Variants in CACNG3 observed in about 807,000 individuals in gnomAD.
CACNG3 encodes voltage-dependent calcium channel gamma-3 subunit.
CACNG3 carries 3 observed loss-of-function variants against 28.5 expected under a neutral mutation model. The observed-to-expected ratio is 0.11, with a 90% CI of 0.05 to 0.27. CACNG3 has a LOEUF of 0.27. CACNG3 is among the 10% of genes least tolerant of loss of function. The pLI, the probability that CACNG3 is intolerant of heterozygous loss-of-function variation, is 1.00. For missense variants in CACNG3, 236 were observed against 414.4 expected, an observed-to-expected ratio of 0.57 and a Z score of 3.74; for synonymous variants, 174 against 162.2, an observed-to-expected ratio of 1.07 and a Z score of -0.55.
At chr16:24,345,315 T>A (rs760355087) in intron 1 of CACNG3, among the ~76,000 whole-genome samples, 6 of 152,074 alleles carry the variant, frequency 3.9e-5, no homozygotes, top group Admixed American at 2.6e-4. Flanking sequence ...TCTGGAAAAT[T>A]TTTTGTCCTT....
intron 1 of CACNG3, among the ~76,000 whole-genome samples, chr16:24,321,626 G>A (rs1899460866): frequency 6.6e-6 from 1 of 152,124 alleles, no homozygotes; most frequent in Admixed American, 6.5e-5. Flanking sequence ...AAGCTGTCAA[G>A]CGCTTCCTTT....
intron 1 of CACNG3, among the ~76,000 whole-genome samples, chr16:24,282,439 G>A (rs1898842482): frequency 6.6e-6 from 1 of 151,518 alleles, no homozygotes; most frequent in Admixed American, 6.6e-5. Context: ...CTTACACTCG[G>A]ATAATTTGTG....
At chr16:24,350,091 A>G (rs561351583) in intron 2 of CACNG3, among the ~76,000 whole-genome samples, 2 of 152,318 alleles carry the variant, frequency 1.3e-5, no homozygotes, top group South Asian at 2.1e-4. Flanking sequence ...TGAAGCCACC[A>G]TATGTCCACT....
At chr16:24,353,566 G>A (rs890558352) in intron 2 of CACNG3, among the ~76,000 whole-genome samples, 1 of 152,104 alleles carries the variant, frequency 6.6e-6, no homozygotes, top group African/African-American at 2.4e-5. Flanking sequence ...GGACCTCCAG[G>A]ACTCTGCTTC....
At chr16:24,324,454 C>A (rs1438589121) in intron 1 of CACNG3, among the ~76,000 whole-genome samples, 3 of 152,170 alleles carry the variant, frequency 2.0e-5, no homozygotes, top group African/African-American at 7.2e-5. Flanking sequence ...GTTTCCCCCA[C>A]TCCCCAGACC....
At chr16:24,298,787 C>T (rs1899066906) in intron 1 of CACNG3, among the ~76,000 whole-genome samples, 1 of 152,130 alleles carries the variant, frequency 6.6e-6, no homozygotes, top group Non-Finnish European at 1.5e-5. Context: ...TCAAACTTTC[C>T]TTGTTTTTGA....
At chr16:24,325,220 C>T (rs1899525153) in intron 1 of CACNG3, among the ~76,000 whole-genome samples, 2 of 152,166 alleles carry the variant, frequency 1.3e-5, no homozygotes, top group Admixed American at 6.5e-5. Context: ...AATTCCTTCC[C>T]TTGAGGGGTG....
In CACNG3 at chr16:24,312,602, G is replaced by C. The variant is rs573074188; in HGVS notation, c.212-34132G>C. ...AGGTTAAAGCAGGAGGATAGCTTGA[G>C]GTCAAGAATTTGAGACCAGCCTGGT... On this transcript the variant is annotated intron_variant, in intron 1 of 3. Transcript: ENST00000005284. Among the ~76,000 whole-genome samples, 334 of 152,192 alleles carry C rather than the reference G, an allele frequency of 2.2e-3. 1 individual carries two copies. Among genetic ancestry groups the C allele is most frequent in the African/African-American group, 7.0e-3 (290 of 41,534 alleles).
Position 24,312,920 on chromosome 16 carries a change from G to A in CACNG3, c.212-33814G>A, listed in dbSNP as rs12921418. Reference sequence around the variant, plus strand: ...GGAAAGAAAGAAGGAAGGAAGGAAGGAAGAAAGAAAGAAAGAAAGAAAGAA... The same window carrying A: ...GGAAAGAAAGAAGGAAGGAAGGAAGAAAGAAAGAAAGAAAGAAAGAAAGAA... On this transcript the variant is annotated intron_variant, in intron 1 of 3. Transcript: ENST00000005284. Among the ~76,000 whole-genome samples, 230 of 122,118 alleles carry A rather than the reference G, an allele frequency of 1.9e-3. 1 individual carries two copies. Among genetic ancestry groups the A allele is most frequent in the East Asian group, 7.6e-3 (32 of 4,216 alleles). 80.1% of individuals were successfully genotyped at this position (122,118 alleles called of 152,430 possible).
At chr16:24,275,538 G>C (rs1567208384) in intron 1 of CACNG3, among the ~76,000 whole-genome samples, 1 of 152,206 alleles carries the variant, frequency 6.6e-6, no homozygotes, top group Non-Finnish European at 1.5e-5. Context: ...GTTGCGAGCT[G>C]AACTAGCTGC....
At chr16:24,306,535 C>G (rs1859199) in intron 1 of CACNG3, among the ~76,000 whole-genome samples, 42,845 of 151,986 alleles carry the variant, frequency 0.28, 6,912 homozygotes, top group African/African-American at 0.42. Context: ...TCGCCCACTT[C>G]TTTGCCTCTA....
chr16:24,295,932 A>G (rs1899026265), intron 1 of CACNG3, among the ~76,000 whole-genome samples: 1 of 152,248 alleles, frequency 6.6e-6, no homozygotes. Flanking sequence ...TGAGGCTTAG[A>G]GAGGTTAAGA....
chr16:24,289,890 G>A (rs2141355051), intron 1 of CACNG3, among the ~76,000 whole-genome samples: 1 of 152,356 alleles, frequency 6.6e-6, no homozygotes, highest in African/African-American at 2.4e-5. Context: ...CTAAGAATAT[G>A]AAAAACTTTC....
intron 1 of CACNG3, among the ~76,000 whole-genome samples, chr16:24,330,108 C>T (rs187302696): frequency 8.5e-5 from 13 of 152,294 alleles, no homozygotes; most frequent in Admixed American, 1.3e-4. Flanking sequence ...TTAAATGCCA[C>T]GCAATGAGCA....
chr16:24,317,612 AAGAAAGAAAGAAAG>A, intron 1 of CACNG3, among the ~76,000 whole-genome samples: 1 of 71,288 alleles, frequency 1.4e-5, no homozygotes. Context: ...GAAAGAAAGA[AAGAAAGAAAGAAAG>A]ACAGACAGAA....
intron 1 of CACNG3, among the ~76,000 whole-genome samples, chr16:24,260,531 A>G (rs1333973202): frequency 6.6e-6 from 1 of 152,224 alleles, no homozygotes; most frequent in East Asian, 1.9e-4. Context: ...GGCAATACTT[A>G]ACCTTAGTCG....
At chr16:24,271,172 C>G (rs916062138) in intron 1 of CACNG3, among the ~76,000 whole-genome samples, 1 of 152,196 alleles carries the variant, frequency 6.6e-6, no homozygotes, top group Non-Finnish European at 1.5e-5. Context: ...GCACTATTTG[C>G]TGTTTGACAG....
At chr16:24,267,029 C>T (rs530569189) in intron 1 of CACNG3, among the ~76,000 whole-genome samples, 13 of 149,738 alleles carry the variant, frequency 8.7e-5, no homozygotes, top group South Asian at 8.4e-4. Flanking sequence ...TGCGGTGGCA[C>T]GATCTCGGCT....
At chr16:24,357,903 G>T (rs570928092) in intron 3 of CACNG3, among the ~76,000 whole-genome samples, 94 of 152,296 alleles carry the variant, frequency 6.2e-4, no homozygotes, top group Admixed American at 1.8e-3. Flanking sequence ...CTCACAAGAG[G>T]TATTGTGAGG....
Sources: allele counts gnomAD v4.1 joint callset (sites outside exome capture counted in the v4.1 genomes callset), GRCh38; gene constraint gnomAD v4.1.1; transcripts MANE v1.5; gene names NCBI Gene and HGNC (gene_info 2026-07-23, HGNC 2026-07-21).